ACCSL: variants seen among roughly 807,000 people sequenced by gnomAD.
ACCSL encodes the protein probable inactive 1-aminocyclopropane-1-carboxylate synthase-like protein 2.
Under a neutral mutation model 61.7 loss-of-function variants are expected in ACCSL, and 55 were observed. That is an observed-to-expected ratio of 0.89 (90% CI 0.72 to 1.12). The LOEUF (loss-of-function observed/expected upper bound fraction) is 1.12. Ranked by LOEUF, ACCSL falls within the 50% of genes most tolerant of loss-of-function variation. ACCSL has a pLI of 0.00. For synonymous variants in ACCSL, 258 were observed against 264.3 expected, an observed-to-expected ratio of 0.98 and a Z score of 0.23; for missense variants, 632 against 698.0, an observed-to-expected ratio of 0.91 and a Z score of 1.07.
At chr11:43,955,922 G>T in the ACCSL span, among the ~76,000 whole-genome samples, 2 of 151,676 alleles carry the variant, frequency 1.3e-5, no homozygotes, top group South Asian at 2.1e-4. Context: ...GCTCAGGAAT[G>T]ACTAAGGGCA....
chr11:43,931,332 A>G, the ACCSL span, among the ~76,000 whole-genome samples: 2 of 152,230 alleles, frequency 1.3e-5, no homozygotes, highest in South Asian at 4.1e-4. Context: ...CCCCACCGCA[A>G]GACTCTACTG....
chr11:43,929,525 G>T, the ACCSL span, among the ~76,000 whole-genome samples: 2 of 152,238 alleles, frequency 1.3e-5, no homozygotes, highest in East Asian at 3.9e-4. Context: ...TCCTCCCTCA[G>T]CGTCTTGAGT....
chr11:44,023,082 C>T, the ACCSL span, among the ~76,000 whole-genome samples: 5 of 126,402 alleles, frequency 4.0e-5, no homozygotes, highest in African/African-American at 6.1e-5. Context: ...GTCTCACTCT[C>T]GTTGGCCAGG....
chr11:44,011,624 G>T, the ACCSL span, among the ~76,000 whole-genome samples: 2 of 152,178 alleles, frequency 1.3e-5, no homozygotes, highest in Non-Finnish European at 2.9e-5. Context: ...CTCAAAAAGA[G>T]ATCAGTAATT....
the ACCSL span, among the ~76,000 whole-genome samples, chr11:43,986,931 G>A: frequency 6.6e-6 from 1 of 152,160 alleles, no homozygotes; most frequent in Non-Finnish European, 1.5e-5. Context: ...CCCAGAAGAG[G>A]TGAAAGCAAG....
At chr11:44,012,191 CCA>C in the ACCSL span, among the ~76,000 whole-genome samples, 4 of 152,070 alleles carry the variant, frequency 2.6e-5, no homozygotes, top group Non-Finnish European at 5.9e-5. Context: ...CCATTTATGC[CCA>C]CTTTGTGCTC....
the ACCSL span, chr11:43,943,305 C>T: frequency 1.4e-6 from 2 of 1,448,314 alleles, no homozygotes; most frequent in East Asian, 3.0e-5. The surrounding 1 kb of genome is among the most constrained non-coding windows in gnomAD (Gnocchi z 4.8). Context: ...ACGCGCGCGT[C>T]CGCGGTCCGC....
rs1049981427 is a variant in ACCSL at position 44,058,170 on chromosome 11, T to C, written c.1328-147T>C. On this transcript the variant is annotated intron_variant, in intron 11 of 13. Coordinates refer to ENST00000378832, the MANE Select transcript of ACCSL (RefSeq NM_001031854.2). ...CCTGGGTGACAGAGGGAAACTCTGG[T>C]TTTTTTGTTTTTTTTAAAAACAGAC... is the stretch of plus-strand genomic sequence containing the variant. 5.9e-6 allele frequency: 6 copies of C among 1,018,584 alleles called. No homozygotes were observed. In the African/African-American group the frequency reaches 6.5e-5, roughly 11 times the overall value. The allele number at this position is 1,018,584 out of a possible 1,614,324, so 63.1% of individuals were successfully genotyped here. A position where few individuals can be genotyped will look rare whatever the true frequency, so the allele number is the denominator to read the frequency against.
the ACCSL span, among the ~76,000 whole-genome samples, chr11:44,004,657 G>A: frequency 6.6e-6 from 1 of 152,156 alleles, no homozygotes; most frequent in Non-Finnish European, 1.5e-5. Context: ...GTCAAGTAGT[G>A]GGTAAATGAC....
At chr11:43,927,902 A>C in the ACCSL span, among the ~76,000 whole-genome samples, 5 of 152,232 alleles carry the variant, frequency 3.3e-5, no homozygotes, top group Non-Finnish European at 7.3e-5. Context: ...CATCTCAGCC[A>C]GTATGGGTGG....
At chr11:43,980,575 A>G in the ACCSL span, among the ~76,000 whole-genome samples, 9 of 152,280 alleles carry the variant, frequency 5.9e-5, no homozygotes, top group Admixed American at 1.3e-4. Flanking sequence ...TGAATTACCT[A>G]TTCATGTTCT....
chr11:43,923,466 G>T, the ACCSL span, among the ~76,000 whole-genome samples: 2 of 152,058 alleles, frequency 1.3e-5, no homozygotes, highest in African/African-American at 2.4e-5. Context: ...CCACCCACAC[G>T]CTCTCCTCAG....
At chr11:43,933,986 A>AT in the ACCSL span, among the ~76,000 whole-genome samples, 1 of 152,090 alleles carries the variant, frequency 6.6e-6, no homozygotes, top group African/African-American at 2.4e-5. Context: ...CCCAGCATGA[A>AT]TGGGGCCACC....
the ACCSL span, among the ~76,000 whole-genome samples, chr11:44,025,922 A>G: frequency 1.3e-5 from 2 of 152,200 alleles, no homozygotes; most frequent in Non-Finnish European, 2.9e-5. Flanking sequence ...TGATCTTATT[A>G]AGAGGCTCTT....
the ACCSL span, among the ~76,000 whole-genome samples, chr11:44,026,841 C>T: frequency 1.4e-3 from 214 of 152,106 alleles, no homozygotes; most frequent in African/African-American, 4.6e-3. Context: ...GCCATTCTCC[C>T]GCCTCAGCCT....
the ACCSL span, among the ~76,000 whole-genome samples, chr11:43,939,529 C>T: frequency 6.6e-6 from 1 of 151,868 alleles, no homozygotes; most frequent in Non-Finnish European, 1.5e-5. Flanking sequence ...CCCCTCCCCA[C>T]CCTTCTCTTC....
At chr11:43,983,448 A>G in the ACCSL span, among the ~76,000 whole-genome samples, 174 of 152,272 alleles carry the variant, frequency 1.1e-3, 2 homozygotes, top group African/African-American at 3.8e-3. Flanking sequence ...TTTCTAAGGA[A>G]GGGAACCAGC....
the ACCSL span, among the ~76,000 whole-genome samples, chr11:43,956,735 G>A: frequency 6.6e-6 from 1 of 152,134 alleles, no homozygotes; most frequent in Admixed American, 6.5e-5. Flanking sequence ...TTTTGTAAAG[G>A]TGGTTTCACA....
chr11:44,019,221 A>G, the ACCSL span, among the ~76,000 whole-genome samples: 1 of 152,210 alleles, frequency 6.6e-6, no homozygotes, highest in African/African-American at 2.4e-5. Flanking sequence ...GCTATTATGA[A>G]TAATATTGTT....
Sources: allele counts gnomAD v4.1 joint callset (sites outside exome capture counted in the v4.1 genomes callset), GRCh38; gene constraint gnomAD v4.1.1; non-coding constraint Gnocchi (gnomAD v3.1); transcripts MANE v1.5; gene names NCBI Gene and HGNC (gene_info 2026-07-23, HGNC 2026-07-21).